PKIB: variants seen among roughly 807,000 people sequenced by gnomAD.
PKIB encodes the protein cAMP-dependent protein kinase inhibitor beta, also known as PKI-beta.
A neutral mutation model predicts 4.5 loss-of-function variants in PKIB; 2 were observed. That is an observed-to-expected ratio of 0.44 (90% CI 0.18 to 1.39). PKIB has a LOEUF of 1.39. Ranked by LOEUF, PKIB falls within the 40% of genes most tolerant of loss-of-function variation. PKIB has a pLI of 0.27. For synonymous variants in PKIB, 38 were observed against 36.0 expected (o/e 1.06, Z -0.20); for missense variants, 94 against 92.6 (o/e 1.02, Z -0.06).
intron 1 of PKIB, among the ~76,000 whole-genome samples, chr6:122,618,705 T>C (rs1446720772): frequency 6.6e-6 from 1 of 152,072 alleles, no homozygotes; most frequent in Non-Finnish European, 1.5e-5. Context: ...CATTAACTAA[T>C]TTTCTGGTGA....
chr6:122,685,193 G>A (rs1348294335), intron 3 of PKIB, among the ~76,000 whole-genome samples: 1 of 152,156 alleles, frequency 6.6e-6, no homozygotes, highest in Non-Finnish European at 1.5e-5. Context: ...GTGCCAAAGT[G>A]TAGGTAATAC....
At chr6:122,491,808 A>T (rs1299694950) in intron 2 of PKIB, among the ~76,000 whole-genome samples, 1 of 152,206 alleles carries the variant, frequency 6.6e-6, no homozygotes, top group Admixed American at 6.5e-5. Context: ...GGGAACATTC[A>T]TTATTTCTGT....
chr6:122,691,986 A>G (rs775425107), intron 3 of PKIB, among the ~76,000 whole-genome samples: 1 of 152,094 alleles, frequency 6.6e-6, no homozygotes, highest in Non-Finnish European at 1.5e-5. Flanking sequence ...CCAGAAGAAT[A>G]CTCTGTATTA....
chr6:122,662,166 G>GTCAT (rs1777014943), intron 2 of PKIB, among the ~76,000 whole-genome samples: 2 of 151,814 alleles, frequency 1.3e-5, no homozygotes. Context: ...TTTTGATGGT[G>GTCAT]TCATTTGGTG....
intron 2 of PKIB, among the ~76,000 whole-genome samples, chr6:122,538,977 CTGTT>C (rs1457018749): frequency 5.3e-5 from 8 of 151,998 alleles, no homozygotes; most frequent in East Asian, 3.9e-4. Context: ...ATTTGGCTCT[CTGTT>C]TGTCTGTTAT....
intron 1 of PKIB, among the ~76,000 whole-genome samples, chr6:122,623,835 GA>G (rs1775331485): frequency 7.3e-6 from 1 of 137,230 alleles, no homozygotes; most frequent in African/African-American, 2.6e-5. Flanking sequence ...TTTTAAGAGT[GA>G]TTTTTTTTTT....
intron 1 of PKIB, among the ~76,000 whole-genome samples, chr6:122,477,271 G>A (rs1270644737): frequency 2.0e-5 from 3 of 152,096 alleles, no homozygotes; most frequent in Admixed American, 1.3e-4. Flanking sequence ...GGAGAAAGTC[G>A]AGGCAATTAT....
chr6:122,501,676 C>G (rs562669935), intron 2 of PKIB, among the ~76,000 whole-genome samples: 53 of 152,318 alleles, frequency 3.5e-4, no homozygotes, highest in African/African-American at 1.3e-3. Flanking sequence ...ATTTTTCCCT[C>G]CTAGACCTCC....
chr6:122,581,491 G>A (rs1354351029), intron 2 of PKIB, among the ~76,000 whole-genome samples: 1 of 152,004 alleles, frequency 6.6e-6, no homozygotes, highest in Non-Finnish European at 1.5e-5. Flanking sequence ...GCCTCACAAA[G>A]GACTTAAATA....
Position 122,717,800 on chromosome 6 carries a change from G to A in PKIB, c.6G>A (p.Arg2=), listed in dbSNP as rs2115074441. 2.5e-6 allele frequency: 4 copies of A among 1,614,032 alleles called. No homozygotes were observed. Among genetic ancestry groups the A allele is most frequent in the South Asian group, 1.1e-5 (1 of 91,074 alleles). M[R]TDSSKMTDVE... ...TTCTATTTGTAGATGTTGCTATGAG[G>A]ACAGATTCATCAAAAATGACTGACG... is the stretch of plus-strand genomic sequence containing the variant. The change falls in exon 4 of 5, where the codon AGG becomes AGA. Residue 2 remains arginine (R), a synonymous_variant. Coordinates refer to ENST00000368452, the MANE Select transcript of PKIB (RefSeq NM_181795.3).
At chr6:122,576,697 T>A (rs1251426966) in intron 2 of PKIB, among the ~76,000 whole-genome samples, 14 of 106,258 alleles carry the variant, frequency 1.3e-4, no homozygotes, top group African/African-American at 5.5e-4. Flanking sequence ...AAAATATATA[T>A]ATATATATAT....
chr6:122,511,077 A>G (rs568297099), intron 2 of PKIB, among the ~76,000 whole-genome samples: 1 of 152,288 alleles, frequency 6.6e-6, no homozygotes, highest in South Asian at 2.1e-4. Flanking sequence ...GGTCCTGATC[A>G]TTAGACTCCT....
intron 3 of PKIB, among the ~76,000 whole-genome samples, chr6:122,684,578 T>C (rs140852991): frequency 9.2e-4 from 140 of 152,276 alleles, no homozygotes; most frequent in African/African-American, 2.9e-3. Context: ...ACCACCATTA[T>C]CTTATAAGTT....
At chr6:122,695,682 T>C (rs1778542722) in intron 3 of PKIB, among the ~76,000 whole-genome samples, 1 of 152,152 alleles carries the variant, frequency 6.6e-6, no homozygotes, top group South Asian at 2.1e-4. Flanking sequence ...TAATCTCTTC[T>C]AAATTTATAA....
chr6:122,686,028 G>A (rs988432302), intron 3 of PKIB, among the ~76,000 whole-genome samples: 9 of 152,210 alleles, frequency 5.9e-5, no homozygotes, highest in African/African-American at 2.2e-4. Flanking sequence ...TTGTGTATAG[G>A]TATCACATTT....
chr6:122,698,092 A>C (rs910280661), intron 3 of PKIB, among the ~76,000 whole-genome samples: 2 of 152,190 alleles, frequency 1.3e-5, no homozygotes, highest in Middle Eastern at 3.4e-3. Context: ...CTTGGGTTCT[A>C]TTCTTTATCA....
intron 2 of PKIB, among the ~76,000 whole-genome samples, chr6:122,488,169 C>T (rs569246061): frequency 1.3e-5 from 2 of 152,100 alleles, no homozygotes; most frequent in East Asian, 3.9e-4. Flanking sequence ...CTACATTTAA[C>T]TTGCATTTGG....
At chr6:122,483,595 A>C (rs1226572427) in intron 2 of PKIB, 2 of 152,244 alleles carry the variant, frequency 1.3e-5, no homozygotes, top group African/African-American at 4.8e-5. Context: ...AGTAACTCAA[A>C]GGTTTGGTTA....
At chr6:122,656,109 C>T (rs1212267615) in intron 2 of PKIB, among the ~76,000 whole-genome samples, 29 of 152,022 alleles carry the variant, frequency 1.9e-4, no homozygotes, top group Admixed American at 1.9e-3. Context: ...AGGAAATCTT[C>T]AGGCTTAGCA....
Sources: gnomAD v4.1 joint callset for allele counts (sites outside exome capture counted in the v4.1 genomes callset) on GRCh38, gnomAD v4.1.1 for gene constraint, MANE v1.5 for transcripts, NCBI Gene and HGNC (gene_info 2026-07-23, HGNC 2026-07-21) for gene names.